MAPK9: variants seen among roughly 807,000 people sequenced by gnomAD.
MAPK9 encodes the protein mitogen-activated protein kinase 9, also known as Jun kinase.
MAPK9 carries 30 observed loss-of-function variants against 57.1 expected under a neutral mutation model. The ratio of observed to expected loss-of-function variants is 0.53; its 90% confidence interval spans 0.39 to 0.71. MAPK9 has a LOEUF of 0.71. Among genes scored for constraint, MAPK9 ranks in the 30% least tolerant of loss-of-function variants. The pLI is 0.00. For missense variants in MAPK9, 362 were observed against 521.0 expected, an observed-to-expected ratio of 0.69 and a Z score of 2.97; for synonymous variants, 155 against 177.0, an observed-to-expected ratio of 0.88 and a Z score of 0.99.
At position 180,242,564 on chromosome 5, in the gene MAPK9, A is replaced by G. The variant is rs980231700; in HGVS notation, c.871+9T>C. 6.2e-6 allele frequency: 10 copies of G among 1,602,606 alleles called. No homozygotes were observed. In the African/African-American group the frequency reaches 9.4e-5, roughly 15 times the overall value. ...AAAACACAAGTATAAGAAAAAAAGG[A>G]TATCTTACTTTTTATTTTGTCTCGC... is the stretch of plus-strand genomic sequence containing the variant. On this transcript the variant is annotated intron_variant, in intron 8 of 11. Transcript: ENST00000452135.
rs968150047 is a variant in MAPK9 at position 180,236,467 on chromosome 5, A to T, written c.1192T>A (p.Ser398Thr). 5.0e-6 allele frequency: 8 copies of T among 1,614,014 alleles called. No homozygotes were observed. The highest frequency in any genetic ancestry group is 6.8e-6 in the Non-Finnish European group (8 of 1,179,990). Reference protein sequence around the residue: ...SQSSSINDISSMSTEQTLASD... With the variant: ...SQSSSINDISTMSTEQTLASD... The stretch of plus-strand genomic sequence containing the variant: ...GCCAGCGTCTGCTCAGTGGACATGG[A>T]TGAAATGTCATTGATCGATGAAGAC... The change falls in exon 12 of 12, where the codon TCC (serine) becomes ACC (threonine). Residue 398 changes from serine to threonine, a missense_variant. Around this residue, in one of 3 missense-constraint regions of MAPK9, gnomAD observed 199 missense variants for 251.3 expected, o/e 0.79. Coordinates refer to ENST00000452135, the MANE Select transcript of MAPK9 (RefSeq NM_002752.5).
chr5:180,270,924 T>C (rs1166135097), intron 2 of MAPK9, among the ~76,000 whole-genome samples: 1 of 150,976 alleles, frequency 6.6e-6, no homozygotes. Context: ...TTTTTTGGTA[T>C]CAAAAGTTTT....
At chr5:180,264,075 A>G (rs1760284067) in intron 4 of MAPK9, among the ~76,000 whole-genome samples, 2 of 152,194 alleles carry the variant, frequency 1.3e-5, no homozygotes, top group South Asian at 4.1e-4. Flanking sequence ...TTCCCCAGCC[A>G]CCTTATTTAA....
chr5:180,247,585 G>T lies in MAPK9; in HGVS notation c.617-75C>A. The T allele has an allele frequency of 1.6e-6, 2 of 1,285,476 alleles. No individual in the cohort carries two copies. Among genetic ancestry groups the T allele is most frequent in the Non-Finnish European group, 1.1e-6 (1 of 895,252 alleles). The allele number at this position is 1,285,476 out of a possible 1,614,324, so 79.6% of individuals were successfully genotyped here. The stretch of plus-strand genomic sequence containing the variant: ...AAAGTGAGGAAAAGGAATTCTAACA[G>T]TGCACTAAACACACAAATATGGAAA... On this transcript the variant is annotated intron_variant, in intron 6 of 11. Coordinates refer to ENST00000452135, the MANE Select transcript of MAPK9 (RefSeq NM_002752.5). This position sits in a 1 kb window ranked among gnomAD's most constrained non-coding sequence, Gnocchi z 4.5.
intron 5 of MAPK9, among the ~76,000 whole-genome samples, chr5:180,259,357 C>G (rs1418990751): frequency 6.6e-6 from 1 of 152,010 alleles, no homozygotes; most frequent in African/African-American, 2.4e-5. Flanking sequence ...AGAACTCACA[C>G]TGGAGAGAAA....
chr5:180,268,104 G>A (rs546366430), intron 3 of MAPK9, among the ~76,000 whole-genome samples: 61 of 152,206 alleles, frequency 4.0e-4, no homozygotes, highest in African/African-American at 8.7e-4. Flanking sequence ...GATTACAGGC[G>A]TGAGCCACTG....
chr5:180,267,287 T>C (rs748428895), intron 3 of MAPK9, among the ~76,000 whole-genome samples: 41 of 151,896 alleles, frequency 2.7e-4, no homozygotes, highest in African/African-American at 3.6e-4. Context: ...CAAGTCCGGG[T>C]GCGGTGGCTC....
intron 3 of MAPK9, 86 bp from the exon 4 acceptor site, chr5:180,264,925 G>A: frequency 1.8e-6 from 2 of 1,104,744 alleles, no homozygotes; most frequent in Middle Eastern, 3.2e-4. Context: ...CATTAAGACG[G>A]GAAAAAAATC....
At chr5:180,262,795 G>C (rs943223646) in intron 4 of MAPK9, among the ~76,000 whole-genome samples, 1 of 152,086 alleles carries the variant, frequency 6.6e-6, no homozygotes, top group Admixed American at 6.6e-5. Flanking sequence ...CCATTCTGCT[G>C]AAACTGTCCT....
intron 2 of MAPK9, among the ~76,000 whole-genome samples, chr5:180,272,231 A>C (rs1761398314): frequency 6.6e-6 from 1 of 152,174 alleles, no homozygotes; most frequent in Non-Finnish European, 1.5e-5. Context: ...GTACATCCTC[A>C]AGGAATTTCC....
At chr5:180,291,267 G>A (rs946211901) in intron 1 of MAPK9, among the ~76,000 whole-genome samples, 1 of 148,660 alleles carries the variant, frequency 6.7e-6, no homozygotes, top group Non-Finnish European at 1.5e-5. Context: ...TGGACACCGA[G>A]TGTGCAATGA....
rs959930133 is a variant in MAPK9, at chr5:180,234,941, A to C, written c.*1443T>G. On this transcript the variant is annotated 3_prime_UTR_variant, in exon 12 of 12. Transcript: ENST00000452135. Reference sequence around the variant, plus strand: ...ACAGAATGTCGACTGAAAAGCTTCCAAAATAATTGAACACAAGATATGAAT... The same window carrying C: ...ACAGAATGTCGACTGAAAAGCTTCCCAAATAATTGAACACAAGATATGAAT... The C allele has an allele frequency of 2.0e-5, 3 of 152,204 alleles. No homozygotes were observed. The highest frequency in any genetic ancestry group is 7.2e-5 in the African/African-American group (3 of 41,456). 9.4% of individuals were successfully genotyped at this position (152,204 alleles called of 1,614,324 possible).
intron 5 of MAPK9, among the ~76,000 whole-genome samples, chr5:180,254,598 G>C (rs957307490): frequency 2.6e-5 from 4 of 152,160 alleles, no homozygotes; most frequent in Non-Finnish European, 5.9e-5. Flanking sequence ...CAGACTGAAG[G>C]CCAAGTGCCC....
intron 3 of MAPK9, among the ~76,000 whole-genome samples, chr5:180,267,561 C>CAAAAAA (rs34776289): frequency 1.1e-3 from 95 of 89,634 alleles, no homozygotes; most frequent in South Asian, 1.6e-3. Flanking sequence ...GACTCCGTCT[C>CAAAAAA]AAAAAAAAAA....
chr5:180,254,206 A>G (rs1759025973), intron 5 of MAPK9, among the ~76,000 whole-genome samples: 1 of 152,142 alleles, frequency 6.6e-6, no homozygotes, highest in Admixed American at 6.6e-5. Context: ...ACCTCAGGTG[A>G]TCTGCCCGCC....
intron 5 of MAPK9, among the ~76,000 whole-genome samples, chr5:180,261,057 C>A (rs1366608374): frequency 6.6e-6 from 1 of 152,130 alleles, no homozygotes; most frequent in Non-Finnish European, 1.5e-5. Flanking sequence ...CGCTCCCTAG[C>A]TTATTAAATG....
chr5:180,239,740 T>C (rs969626230), intron 10 of MAPK9, among the ~76,000 whole-genome samples, 184 bp downstream of exon 10: 1 of 152,222 alleles, frequency 6.6e-6, no homozygotes, highest in Admixed American at 6.5e-5. Context: ...AATTCATAAA[T>C]GTTCCTCTCT....
chr5:180,271,086 T>C (rs978348318), intron 2 of MAPK9, among the ~76,000 whole-genome samples: 2 of 152,176 alleles, frequency 1.3e-5, no homozygotes, highest in African/African-American at 4.8e-5. Context: ...TGTGAGGTAA[T>C]GCATATGTTA....
intron 3 of MAPK9, among the ~76,000 whole-genome samples, chr5:180,268,042 T>C (rs1760843209): frequency 6.6e-6 from 1 of 152,004 alleles, no homozygotes; most frequent in African/African-American, 2.4e-5. Flanking sequence ...GCCAGGATGG[T>C]CTCTATCTCC....
Sources: gnomAD v4.1 joint callset for allele counts (sites outside exome capture counted in the v4.1 genomes callset) on GRCh38, gnomAD v4.1.1 for gene constraint, gnomAD v4.1.1 regional missense constraint, Gnocchi (gnomAD v3.1) non-coding constraint, MANE v1.5 for transcripts, NCBI Gene and HGNC (gene_info 2026-07-23, HGNC 2026-07-21) for gene names.